Variants in RBFOX1 observed in about 807,000 individuals in gnomAD.
RBFOX1 encodes the protein RNA binding fox-1 homolog 1.
A neutral mutation model predicts 57.7 loss-of-function variants in RBFOX1; 8 were observed. The ratio of observed to expected loss-of-function variants is 0.14; its 90% CI spans 0.08 to 0.25. The LOEUF (loss-of-function observed/expected upper bound fraction) is 0.25. Among genes scored for constraint, RBFOX1 ranks in the 10% least tolerant of loss-of-function variants. The probability of loss-of-function intolerance (pLI) is 1.00; values close to 1 mark genes in which losing one functional copy is unlikely to be tolerated. For synonymous variants in RBFOX1, 326 were observed against 222.4 expected (o/e 1.47, Z -4.15); for missense variants, 611 against 548.5 (o/e 1.11, Z -1.14).
chr16:6,076,024 C>G (rs1183516195), intron 1 of RBFOX1, among the ~76,000 whole-genome samples: 1 of 152,118 alleles, frequency 6.6e-6, no homozygotes, highest in Non-Finnish European at 1.5e-5. Context: ...CTTGGCCGGG[C>G]GTGGTGGCTC....
At chr16:6,672,207 G>T (rs998261829) in intron 3 of RBFOX1, among the ~76,000 whole-genome samples, 1 of 152,110 alleles carries the variant, frequency 6.6e-6, no homozygotes, top group Non-Finnish European at 1.5e-5. Context: ...GAAATACAAA[G>T]GTCATTGAAA....
intron 3 of RBFOX1, among the ~76,000 whole-genome samples, chr16:7,008,092 C>G (rs182808718): frequency 4.6e-5 from 7 of 152,162 alleles, no homozygotes; most frequent in South Asian, 4.1e-4. Flanking sequence ...ACAGCTACTC[C>G]TCTTGCCCTT....
chr16:6,840,895 A>AG lies in RBFOX1; in HGVS notation c.-16+186245_-16+186246insG, dbSNP rs1334520428. Among the ~76,000 whole-genome samples, 14 of 144,214 alleles carry AG rather than the reference A, an allele frequency of 9.7e-5. 1 individual carries two copies. The highest frequency in any genetic ancestry group is 1.9e-4 in the Non-Finnish European group (13 of 67,118). 94.6% of individuals were successfully genotyped at this position (144,214 alleles called of 152,430 possible). Reference sequence around the variant, plus strand: ...AAAGTGAGACTCTGTCTCAAAAAAAAAAAAAAAAACGAAAAAAGGTTTGAG... The same window carrying AG: ...AAAGTGAGACTCTGTCTCAAAAAAAAGAAAAAAAAACGAAAAAAGGTTTGAG... On this transcript the variant is annotated intron_variant, in intron 3 of 15. Coordinates refer to ENST00000550418, the MANE Select transcript of RBFOX1 (RefSeq NM_018723.4).
At chr16:6,011,880 A>T (rs1411787426) in intron 4 of RBFOX1, among the ~76,000 whole-genome samples, 1 of 152,190 alleles carries the variant, frequency 6.6e-6, no homozygotes, top group Admixed American at 6.5e-5. Context: ...AGTTTGAGGT[A>T]AAATGGTGTT....
intron 3 of RBFOX1, among the ~76,000 whole-genome samples, chr16:6,990,872 A>T (rs920913471): frequency 6.6e-6 from 1 of 152,038 alleles, no homozygotes; most frequent in African/African-American, 2.4e-5. Flanking sequence ...TAATTTTTTA[A>T]GATAAGATAA....
chr16:7,145,737 A>C (rs1322590462), intron 4 of RBFOX1, among the ~76,000 whole-genome samples: 1 of 152,114 alleles, frequency 6.6e-6, no homozygotes, highest in Non-Finnish European at 1.5e-5. Flanking sequence ...GACATCTCCC[A>C]GTGGTATGGC....
intron 4 of RBFOX1, among the ~76,000 whole-genome samples, chr16:5,955,482 G>A (rs1178988185): frequency 6.6e-6 from 1 of 151,986 alleles, no homozygotes; most frequent in East Asian, 1.9e-4. Flanking sequence ...AACCAGGCAA[G>A]ACATAGGACA....
At position 7,096,028 on chromosome 16, in the gene RBFOX1, AAG is replaced by A. The variant is rs1491077144; in HGVS notation, c.27+43932_27+43933del. Among the ~76,000 whole-genome samples, 62 of 148,898 alleles carry A rather than the reference AAG, an allele frequency of 4.2e-4. 1 individual carries two copies. Among genetic ancestry groups the A allele is most frequent in the African/African-American group, 1.4e-3 (57 of 39,314 alleles). On this transcript the variant is annotated intron_variant, in intron 4 of 15. Transcript: ENST00000550418. ...ACTCTGTCTCAAAAAAAAAAAAAAA[AAG>A]AAAAGAAAAGAAAAAATAAAACATG... is the stretch of plus-strand genomic sequence containing the variant.
intron 4 of RBFOX1, among the ~76,000 whole-genome samples, chr16:7,469,070 G>T (rs1567334587): frequency 6.6e-6 from 1 of 152,140 alleles, no homozygotes; most frequent in South Asian, 2.1e-4. Flanking sequence ...AGTAGCTGGG[G>T]CTACAGGTGC....
intron 3 of RBFOX1, among the ~76,000 whole-genome samples, chr16:5,837,891 G>C (rs1158931362): frequency 6.6e-6 from 1 of 152,118 alleles, no homozygotes; most frequent in Non-Finnish European, 1.5e-5. Context: ...CTGGGGCAGA[G>C]GACCCCGTGG....
intron 1 of RBFOX1, among the ~76,000 whole-genome samples, chr16:6,100,630 G>A (rs2096294924): frequency 6.6e-6 from 1 of 152,156 alleles, no homozygotes; most frequent in African/African-American, 2.4e-5. Flanking sequence ...TTATTGAGTT[G>A]CTATAGTAGG....
At chr16:6,998,366 T>G (rs1006466951) in intron 3 of RBFOX1, among the ~76,000 whole-genome samples, 3 of 152,036 alleles carry the variant, frequency 2.0e-5, no homozygotes, top group African/African-American at 7.2e-5. Context: ...CAAGAAATAA[T>G]AAGATGCTAC....
At chr16:7,124,169 C>G (rs1014566730) in intron 4 of RBFOX1, among the ~76,000 whole-genome samples, 1 of 152,138 alleles carries the variant, frequency 6.6e-6, no homozygotes. Context: ...CATGGTGGCT[C>G]ACATCTGTAA....
chr16:6,833,190 G>C (rs2092834363), intron 3 of RBFOX1, among the ~76,000 whole-genome samples: 1 of 150,768 alleles, frequency 6.6e-6, no homozygotes, highest in South Asian at 2.1e-4. Context: ...TACTGAGACG[G>C]GGTCTTTTTC....
intron 4 of RBFOX1, among the ~76,000 whole-genome samples, chr16:6,008,895 C>T (rs921955589): frequency 7.9e-5 from 12 of 152,144 alleles, no homozygotes; most frequent in African/African-American, 2.9e-4. Flanking sequence ...AGCTTTTGAA[C>T]ACAGAGACGA....
chr16:5,285,775 T>C (rs2063379144), intron 1 of RBFOX1, among the ~76,000 whole-genome samples: 1 of 152,174 alleles, frequency 6.6e-6, no homozygotes, highest in Non-Finnish European at 1.5e-5. Context: ...AGTTTTTTTT[T>C]GTTGTTGTCG....
At chr16:6,125,347 C>T (rs916639572) in intron 1 of RBFOX1, among the ~76,000 whole-genome samples, 2 of 152,086 alleles carry the variant, frequency 1.3e-5, no homozygotes, top group African/African-American at 4.8e-5. Flanking sequence ...TTTTTCTCCC[C>T]TGTTGAGATA....
chr16:7,511,014 A>T (rs1252552875), intron 4 of RBFOX1, among the ~76,000 whole-genome samples: 1 of 152,172 alleles, frequency 6.6e-6, no homozygotes, highest in Non-Finnish European at 1.5e-5. Context: ...GTGCTCAAGA[A>T]GTTTGACTAT....
rs1002147381 is a variant in RBFOX1 at position 7,090,880 on chromosome 16, C to T, written c.27+38782C>T. On this transcript the variant is annotated intron_variant, in intron 4 of 15. Transcript: ENST00000550418. ...TAGAATGAAGTAAAACCCTCTTGAC[C>T]AGCACAACCTCCCTTGACCAGCACA... Among the ~76,000 whole-genome samples, 16 of 84,636 alleles carry T rather than the reference C, an allele frequency of 1.9e-4. 1 individual carries two copies. Among genetic ancestry groups the T allele is most frequent in the African/African-American group, 6.6e-4 (16 of 24,406 alleles). 55.5% of individuals were successfully genotyped at this position (84,636 alleles called of 152,430 possible).
Sources: gnomAD v4.1 joint callset for allele counts (sites outside exome capture counted in the v4.1 genomes callset) on GRCh38, gnomAD v4.1.1 for gene constraint, MANE v1.5 for transcripts, NCBI Gene and HGNC (gene_info 2026-07-23, HGNC 2026-07-21) for gene names.